Variants in RALGAPA2 observed in about 807,000 individuals in gnomAD.
RALGAPA2 encodes Ral GTPase activating protein catalytic subunit alpha 2.
Under a neutral mutation model 230.4 loss-of-function variants are expected in RALGAPA2, and 139 were observed. The ratio of observed to expected loss-of-function variants is 0.60; its 90% CI spans 0.53 to 0.69. The LOEUF is 0.69. RALGAPA2 is among the 30% of genes least tolerant of loss of function. The probability of loss-of-function intolerance (pLI) is 0.00; values close to 1 mark genes in which losing one functional copy is unlikely to be tolerated. For missense variants in RALGAPA2, 2,163 were observed against 2,276.0 expected, an observed-to-expected ratio of 0.95 and a Z score of 1.01; for synonymous variants, 847 against 837.8, an observed-to-expected ratio of 1.01 and a Z score of -0.19.
At chr20:20,400,840 A>G (rs989964433) in intron 38 of RALGAPA2, among the ~76,000 whole-genome samples, 1 of 152,246 alleles carries the variant, frequency 6.6e-6, no homozygotes, top group Non-Finnish European at 1.5e-5. Flanking sequence ...ACAGCAGAAT[A>G]TTTGGCAATA....
chr20:20,469,452 T>C (rs1311106022), intron 37 of RALGAPA2, among the ~76,000 whole-genome samples: 1 of 152,208 alleles, frequency 6.6e-6, no homozygotes, highest in Non-Finnish European at 1.5e-5. Flanking sequence ...AAAATGAAAG[T>C]ACATTTCACT....
intron 1 of RALGAPA2, among the ~76,000 whole-genome samples, chr20:20,697,591 A>G (rs2069168937): frequency 6.6e-6 from 1 of 152,156 alleles, no homozygotes; most frequent in African/African-American, 2.4e-5. Flanking sequence ...ATCTCTAGGA[A>G]CAGGACAAGT....
chr20:20,582,192 G>GTC (rs2065009051), intron 20 of RALGAPA2, among the ~76,000 whole-genome samples: 1 of 151,618 alleles, frequency 6.6e-6, no homozygotes, highest in Non-Finnish European at 1.5e-5. Flanking sequence ...GTGTGTGTGT[G>GTC]TGTGTCTGTG....
intron 1 of RALGAPA2, among the ~76,000 whole-genome samples, chr20:20,701,414 G>A (rs2069356048): frequency 1.3e-5 from 2 of 152,216 alleles, no homozygotes; most frequent in South Asian, 4.1e-4. Flanking sequence ...CATTTAGTGG[G>A]AAAGAACACG....
At chr20:20,552,871 A>G (rs2063968314) in intron 23 of RALGAPA2, among the ~76,000 whole-genome samples, 1 of 152,148 alleles carries the variant, frequency 6.6e-6, no homozygotes, top group South Asian at 2.1e-4. Context: ...GCACAAGGAC[A>G]TACTTTACAT....
intron 38 of RALGAPA2, among the ~76,000 whole-genome samples, chr20:20,407,497 G>A (rs2059971272): frequency 6.6e-6 from 1 of 152,240 alleles, no homozygotes; most frequent in Non-Finnish European, 1.5e-5. Context: ...TGGCGCGGAG[G>A]CCTTAGCAAG....
Position 20,389,921 on chromosome 20 carries a change from T to A in RALGAPA2, c.*3368A>T, listed in dbSNP as rs546332037. On this transcript the variant is annotated 3_prime_UTR_variant, in exon 40 of 40. Transcript: ENST00000202677. ...TTATCAAATTTTTTCCTTATTTACATGTACTAAACATTGTAGACCTGAAAA... is the reference window on the plus strand; with the variant it reads ...TTATCAAATTTTTTCCTTATTTACAAGTACTAAACATTGTAGACCTGAAAA... The A allele has an allele frequency of 6.6e-6, 1 of 152,348 alleles. No individual in the cohort carries two copies. The highest frequency in any genetic ancestry group is 1.5e-5 in the Non-Finnish European group (1 of 68,034). 9.4% of individuals were successfully genotyped at this position (152,348 alleles called of 1,614,324 possible). A position where few individuals can be genotyped will look rare whatever the true frequency, so the allele number is the denominator to read the frequency against.
At chr20:20,672,201 A>T (rs547090281) in intron 3 of RALGAPA2, among the ~76,000 whole-genome samples, 1 of 152,298 alleles carries the variant, frequency 6.6e-6, no homozygotes, top group East Asian at 1.9e-4. Flanking sequence ...TCCCGGCAAA[A>T]GCAAAGACAA....
intron 27 of RALGAPA2, 28 bp downstream of exon 27, chr20:20,531,658 AT>A: frequency 6.6e-7 from 1 of 1,510,428 alleles, no homozygotes; most frequent in Non-Finnish European, 9.1e-7. Flanking sequence ...ATGGCTTAAT[AT>A]CCAATCAGCA....
chr20:20,604,953 T>C (rs1603032883), intron 15 of RALGAPA2, among the ~76,000 whole-genome samples: 2 of 152,332 alleles, frequency 1.3e-5, no homozygotes, highest in East Asian at 1.9e-4. Flanking sequence ...CTATTACTAC[T>C]ACCTTCCTTG....
At chr20:20,503,278 T>G in intron 35 of RALGAPA2, 73 bp downstream of exon 35, 1 of 1,283,950 alleles carries the variant, frequency 7.8e-7, no homozygotes, top group Non-Finnish European at 1.0e-6. Context: ...TCTACCCTTG[T>G]ATTTGTCTGT....
In RALGAPA2 at chr20:20,616,098, C is replaced by T; in HGVS notation, c.1633G>A (p.Val545Ile). ...ATCATGCGCCTAAAAATAATCAAAA[C>T]AGCTTTACAAGCATCAACTTGTTCT... Reference protein sequence around the residue: ...LKEQVDACKAVLIIFRRMIME... With the variant: ...LKEQVDACKAILIIFRRMIME... Residue 545 changes from valine to isoleucine, a missense_variant, in exon 13 of 40, where the codon GTT (valine) becomes ATT (isoleucine). By Grantham distance (29) the Val-to-Ile change is conservative (BLOSUM62 3). Coordinates refer to ENST00000202677, the MANE Select transcript of RALGAPA2 (RefSeq NM_020343.4). 2 of 1,555,002 alleles carry T rather than the reference C, an allele frequency of 1.3e-6. No homozygotes were observed. Among genetic ancestry groups the T allele is most frequent in the Non-Finnish European group, 1.7e-6 (2 of 1,149,434 alleles).
intron 26 of RALGAPA2, among the ~76,000 whole-genome samples, chr20:20,535,042 C>T (rs2063464174): frequency 6.6e-6 from 1 of 152,148 alleles, no homozygotes. Context: ...CACTTAAAAT[C>T]ATCAAATAGC....
At chr20:20,449,558 A>G (rs2060941613) in intron 37 of RALGAPA2, among the ~76,000 whole-genome samples, 1 of 152,238 alleles carries the variant, frequency 6.6e-6, no homozygotes, top group Non-Finnish European at 1.5e-5. Context: ...CTAGCCAGCT[A>G]ATGTGGGCAT....
In RALGAPA2 at chr20:20,681,785, G is replaced by A. The variant is rs555235778; in HGVS notation, c.107-984C>T. 2.0e-3 allele frequency among the ~76,000 whole-genome samples: 310 copies of A among 152,270 alleles called. 3 individuals carry two copies. Among genetic ancestry groups the A allele is most frequent in the African/African-American group, 7.2e-3 (301 of 41,540 alleles). ...GCAGGGTAATCGCCCGAACTCAGGA[G>A]TTTCCTGAGGCTACAGTGAGCTATG... On this transcript the variant is annotated intron_variant, in intron 1 of 39. Coordinates refer to ENST00000202677, the MANE Select transcript of RALGAPA2 (RefSeq NM_020343.4).
chr20:20,513,171 T>C lies in RALGAPA2; in HGVS notation c.4198A>G (p.Ser1400Gly). 1 of 1,545,546 alleles carries C rather than the reference T, an allele frequency of 6.5e-7. No homozygotes were observed. Among genetic ancestry groups the C allele is most frequent in the Non-Finnish European group, 8.7e-7 (1 of 1,149,864 alleles). Residue 1400 changes from serine (S) to glycine (G), a missense_variant, in exon 32 of 40, where the codon AGC becomes GGC. Coordinates refer to ENST00000202677, the MANE Select transcript of RALGAPA2 (RefSeq NM_020343.4). The stretch of plus-strand genomic sequence containing the variant: ...TTGTCATGGTTCTCGCTGACAAGGC[T>C]GTGCAGTATGGCAGGGCCCCCACTG... ...PLSGGPAILH[S>G]LVSENHDNAH...
At chr20:20,550,521 G>C (rs896689729) in intron 23 of RALGAPA2, among the ~76,000 whole-genome samples, 1 of 152,198 alleles carries the variant, frequency 6.6e-6, no homozygotes, top group Non-Finnish European at 1.5e-5. Context: ...ACAAGGACCT[G>C]CAGAGAGGAG....
intron 14 of RALGAPA2, among the ~76,000 whole-genome samples, chr20:20,610,202 T>A (rs2065937171): frequency 6.6e-6 from 1 of 152,222 alleles, no homozygotes; most frequent in African/African-American, 2.4e-5. Flanking sequence ...TATGTAATTA[T>A]CCAAAGTCAA....
intron 2 of RALGAPA2, among the ~76,000 whole-genome samples, chr20:20,679,484 T>C (rs1429873658): frequency 6.6e-6 from 1 of 152,202 alleles, no homozygotes; most frequent in African/African-American, 2.4e-5. Flanking sequence ...ATACTTGTGA[T>C]AGTAACAAAC....
Sources: allele counts gnomAD v4.1 joint callset (sites outside exome capture counted in the v4.1 genomes callset), GRCh38; gene constraint gnomAD v4.1.1; transcripts MANE v1.5; gene names NCBI Gene and HGNC (gene_info 2026-07-23, HGNC 2026-07-21).